The following ASH1L variants were observed in gnomAD, a reference collection of about 807,000 sequenced individuals.
ASH1L encodes ASH1 like histone lysine methyltransferase.
A neutral mutation model predicts 269.0 loss-of-function variants in ASH1L; 23 were observed. The ratio of observed to expected loss-of-function variants is 0.09; its 90% confidence interval spans 0.06 to 0.12. ASH1L has a LOEUF of 0.12. Ranked by LOEUF, ASH1L falls within the 10% of genes least tolerant of loss-of-function variation. ASH1L has a pLI of 1.00. For missense variants in ASH1L, 2,912 were observed against 3,567.8 expected (o/e 0.82, Z 4.68); for synonymous variants, 1,187 against 1,253.5 (o/e 0.95, Z 1.12).
chr1:155,496,715 T>C (rs1222239875), intron 2 of ASH1L, among the ~76,000 whole-genome samples: 14 of 152,178 alleles, frequency 9.2e-5, no homozygotes, highest in Non-Finnish European at 2.1e-4. Flanking sequence ...CGTGGCTCAT[T>C]GTAGCCTTGA....
In ASH1L at chr1:155,562,640, G is replaced by A. The variant is rs1207435937; in HGVS notation, c.-587C>T. On this transcript the variant is annotated 5_prime_UTR_variant, in exon 1 of 28. Transcript: ENST00000392403. ...AGTGTCTACGGGCTCGTCGCTGGCT[G>A]CTCCCACCAACCACCACCTTCGGCC... is the stretch of plus-strand genomic sequence containing the variant. The A allele has an allele frequency of 5.2e-6, 8 of 1,525,578 alleles. No individual in the cohort carries two copies. The highest frequency in any genetic ancestry group is 1.4e-5 in the African/African-American group (1 of 72,736). 94.5% of individuals were successfully genotyped at this position (1,525,578 alleles called of 1,614,324 possible). A position where few individuals can be genotyped will look rare whatever the true frequency, so the allele number is the denominator to read the frequency against.
intron 2 of ASH1L, among the ~76,000 whole-genome samples, chr1:155,496,124 T>C (rs917924139): frequency 6.6e-6 from 1 of 152,256 alleles, no homozygotes; most frequent in Non-Finnish European, 1.5e-5. Context: ...AAATATAACA[T>C]ACAGCTGTAC....
chr1:155,397,625 C>T (rs114421300), intron 6 of ASH1L, among the ~76,000 whole-genome samples: 2,372 of 152,136 alleles, frequency 0.016, 52 homozygotes, highest in African/African-American at 0.054. Context: ...GATCTTGGTT[C>T]ACTGCAACTC....
chr1:155,527,530 C>G (rs1207638822), intron 1 of ASH1L, among the ~76,000 whole-genome samples: 1 of 137,934 alleles, frequency 7.2e-6, no homozygotes, highest in Non-Finnish European at 1.5e-5. Flanking sequence ...TTACGGGATA[C>G]CTTTTTTTTT....
intron 19 of ASH1L, 38 bp from the exon 20 acceptor site, chr1:155,347,942 T>C: frequency 6.2e-7 from 1 of 1,609,422 alleles, no homozygotes; most frequent in Non-Finnish European, 8.5e-7. Flanking sequence ...TTTGGTTCTC[T>C]CAATGTGGCT....
At chr1:155,501,914 A>G (rs1473538636) in intron 2 of ASH1L, among the ~76,000 whole-genome samples, 1 of 151,486 alleles carries the variant, frequency 6.6e-6, no homozygotes, top group East Asian at 1.9e-4. Context: ...GCCTGCCTCA[A>G]CCTCCCAAAA....
intron 3 of ASH1L, among the ~76,000 whole-genome samples, chr1:155,474,374 G>A (rs750156880): frequency 6.6e-6 from 1 of 152,032 alleles, no homozygotes; most frequent in Non-Finnish European, 1.5e-5. Context: ...CAAATCCTCC[G>A]CTTCAACGTT....
rs1258726607 is a variant in ASH1L, at chr1:155,357,224, T to A, written c.7055+92A>T. 3.7e-5 allele frequency: 35 copies of A among 951,378 alleles called. No homozygotes were observed. In the Admixed American group the frequency reaches 8.1e-4, roughly 22 times the overall value. 58.9% of individuals were successfully genotyped at this position (951,378 alleles called of 1,614,324 possible). ...CCCTTTGGCTTAAGACAAAAGAAAG[T>A]GGATCAACAATATAGAAGTTTCATA... On this transcript the variant is annotated intron_variant, in intron 15 of 27. Transcript: ENST00000392403.
rs754704335 is a variant in ASH1L at position 155,481,748 on chromosome 1, C to A, written c.1122G>T (p.Lys374Asn). The part of the protein sequence containing the change: ...VVGLVNKDLG[K>N]KLGSTVGLVA... ...CTAGGCCAACAGTAGAACCCAATTT[C>A]TTTCCCAAATCTTTATTAACCAGTC... is the stretch of plus-strand genomic sequence containing the variant. The change falls in exon 3 of 28, where the codon AAG becomes AAT. Residue 374 changes from lysine to asparagine, a missense_variant. By Grantham distance (94) the Lys-to-Asn change is moderately conservative (BLOSUM62 0). Transcript: ENST00000392403. 8.1e-6 allele frequency: 13 copies of A among 1,614,180 alleles called. No individual in the cohort carries two copies. The highest frequency in any genetic ancestry group is 1.1e-5 in the Non-Finnish European group (13 of 1,180,022).
intron 2 of ASH1L, among the ~76,000 whole-genome samples, chr1:155,512,379 T>C (rs1211137253): frequency 6.7e-6 from 1 of 148,694 alleles, no homozygotes; most frequent in African/African-American, 2.5e-5. Flanking sequence ...ATCACGCCAC[T>C]GCATGCAAGC....
chr1:155,551,443 G>T (rs56747346), intron 1 of ASH1L, among the ~76,000 whole-genome samples: 18 of 149,118 alleles, frequency 1.2e-4, no homozygotes, highest in Non-Finnish European at 2.5e-4. Flanking sequence ...GGCGGATCAC[G>T]AGGTCAGGAG....
intron 4 of ASH1L, among the ~76,000 whole-genome samples, chr1:155,458,378 T>C (rs1437555857): frequency 6.6e-6 from 1 of 152,200 alleles, no homozygotes; most frequent in African/African-American, 2.4e-5. Context: ...TGTTTAAGGC[T>C]CTACATCACT....
intron 5 of ASH1L, among the ~76,000 whole-genome samples, chr1:155,423,662 T>C (rs1460115827): frequency 6.6e-6 from 1 of 152,246 alleles, no homozygotes; most frequent in Admixed American, 6.5e-5. Context: ...GTTTTCGCAC[T>C]TGCTGGCACA....
chr1:155,560,594 TACC>T (rs1252799490), intron 1 of ASH1L, among the ~76,000 whole-genome samples: 5 of 152,174 alleles, frequency 3.3e-5, no homozygotes, highest in African/African-American at 1.2e-4. Context: ...CCTCACGTTG[TACC>T]CAGGCTATTT....
intron 7 of ASH1L, among the ~76,000 whole-genome samples, chr1:155,385,943 T>C (rs1292813788): frequency 1.3e-5 from 2 of 152,144 alleles, no homozygotes. Flanking sequence ...GTTATGTTAC[T>C]GCTAGGTGTT....
At chr1:155,482,489 C>A (rs374907123) in intron 2 of ASH1L, 40 bp from the exon 3 acceptor site, 3 of 1,554,584 alleles carry the variant, frequency 1.9e-6, no homozygotes, top group Non-Finnish European at 2.6e-6. Flanking sequence ...AGGGAGTAAA[C>A]CTTACACCAC....
At chr1:155,441,078 A>C (rs1202221611) in intron 4 of ASH1L, among the ~76,000 whole-genome samples, 2 of 152,142 alleles carry the variant, frequency 1.3e-5, no homozygotes, top group Non-Finnish European at 2.9e-5. Context: ...TACAGCCATC[A>C]AGACTAAGAT....
intron 21 of ASH1L, 196 bp downstream of exon 21, chr1:155,346,187 A>G (rs1402891113): frequency 1.3e-5 from 19 of 1,492,856 alleles, no homozygotes; most frequent in Non-Finnish European, 1.7e-5. Flanking sequence ...TAAGTATTTT[A>G]TTTTCCCTTT....
chr1:155,491,988 A>C (rs1284578001), intron 2 of ASH1L, among the ~76,000 whole-genome samples: 1 of 141,734 alleles, frequency 7.1e-6, no homozygotes, highest in Non-Finnish European at 1.5e-5. Context: ...TTTTTCATTC[A>C]TGAAAAAATA....
Sources: allele counts gnomAD v4.1 joint callset (sites outside exome capture counted in the v4.1 genomes callset), GRCh38; gene constraint gnomAD v4.1.1; transcripts MANE v1.5; gene names NCBI Gene and HGNC (gene_info 2026-07-23, HGNC 2026-07-21).